SH2D3C: variants seen among roughly 807,000 people sequenced by gnomAD.
The protein encoded by SH2D3C is SH2 domain containing 3C.
In SH2D3C, 25 loss-of-function variants were observed where a neutral mutation model predicts 75.2. The observed-to-expected ratio is 0.33, with a 90% CI of 0.24 to 0.46. The LOEUF (loss-of-function observed/expected upper bound fraction) is 0.46. Ranked by LOEUF, SH2D3C falls within the 20% of genes least tolerant of loss-of-function variation. The pLI is 1.00. For missense variants in SH2D3C, 933 were observed against 1,165.3 expected, an observed-to-expected ratio of 0.80 and a Z score of 2.90; for synonymous variants, 450 against 473.7, an observed-to-expected ratio of 0.95 and a Z score of 0.65.
Position 127,738,906 on chromosome 9 carries a change from G to A in SH2D3C, c.2423C>T (p.Pro808Leu), listed in dbSNP as rs1238916049. 2.5e-6 allele frequency: 4 copies of A among 1,582,852 alleles called. No homozygotes were observed. Among genetic ancestry groups the A allele is most frequent in the African/African-American group, 2.7e-5 (2 of 74,408 alleles). ...CGTGCTGAACACCTCCAGGAGCTCC[G>A]GCCGGGCCTGGAACCCTGCAGTGTT... ...EVKLQGFQAR[P>L]ELLEVFSTEF... is the part of the protein sequence containing the mutation. Residue 808 changes from proline to leucine, a missense_variant, in exon 12 of 12, where the codon CCG becomes CTG. Pro to Leu is a moderately conservative substitution (Grantham distance 98). Transcript: ENST00000314830. This position sits in a 1 kb window ranked among gnomAD's most constrained non-coding sequence, Gnocchi z 5.0.
chr9:127,754,745 C>G lies in SH2D3C; in HGVS notation c.556-3445G>C. The G allele has an allele frequency of 2.2e-6, 1 of 458,840 alleles. No individual in the cohort carries two copies. The highest frequency in any genetic ancestry group is 4.5e-6 in the Non-Finnish European group (1 of 219,908). The allele number at this position is 458,840 out of a possible 1,614,324, so 28.4% of individuals were successfully genotyped here. A position where few individuals can be genotyped will look rare whatever the true frequency, so the allele number is the denominator to read the frequency against. Reference sequence around the variant, plus strand: ...AGGTCAGCCGCAAGGGCCAGCGTACCAGGCGGAGGACCGGCAGGACGCCGG... The same window carrying G: ...AGGTCAGCCGCAAGGGCCAGCGTACGAGGCGGAGGACCGGCAGGACGCCGG... On this transcript the variant is annotated intron_variant, in intron 3 of 11. Transcript: ENST00000314830. The surrounding 1 kb of genome is among the most constrained non-coding windows in gnomAD (Gnocchi z 4.4).
In SH2D3C at chr9:127,751,249, C is replaced by T. The variant is rs1330699288; in HGVS notation, c.607G>A (p.Glu203Lys). 6.2e-7 allele frequency: 1 copy of T among 1,613,438 alleles called. No individual in the cohort carries two copies. The highest frequency in any genetic ancestry group is 1.7e-5 in the Admixed American group (1 of 60,034). ...LDSSPEKLHK[E>K]LEEELKLSST... The stretch of plus-strand genomic sequence containing the variant: ...CTGAGTTTGAGCTCCTCCTCCAATT[C>T]CTTGTGGAGTTTCTCTGGCGATGAG... Residue 203 changes from glutamate (E) to lysine (K), a missense_variant, in exon 4 of 12, where the codon GAA becomes AAA. By Grantham distance (56) the Glu-to-Lys change is moderately conservative. Transcript: ENST00000314830. The surrounding 1 kb of genome is among the most constrained non-coding windows in gnomAD (Gnocchi z 4.1).
intron 3 of SH2D3C, among the ~76,000 whole-genome samples, chr9:127,759,109 A>G (rs1275170090): frequency 6.6e-6 from 1 of 152,268 alleles, no homozygotes; most frequent in African/African-American, 2.4e-5. Context: ...ACACAGGCTC[A>G]GGGAGGCAAT....
chr9:127,771,447 C>T (rs942733758), intron 2 of SH2D3C: 4 of 1,171,124 alleles, frequency 3.4e-6, no homozygotes, highest in East Asian at 3.2e-5. Flanking sequence ...TCGAACACGG[C>T]CCTCCGCCTG....
At position 127,764,011 on chromosome 9, in the gene SH2D3C, C is replaced by T. The variant is rs750180532; in HGVS notation, c.516-2361G>A. On this transcript the variant is annotated intron_variant, in intron 2 of 11. Coordinates refer to ENST00000314830, the MANE Select transcript of SH2D3C (RefSeq NM_170600.3). ...GCCCACTCTTCCCGGGTGAGGCATC[C>T]CATCCCAACATTTCCTGCTATTCAG... 3.1e-4 allele frequency among the ~76,000 whole-genome samples: 47 copies of T among 152,196 alleles called. 1 individual carries two copies. Among genetic ancestry groups the T allele is most frequent in the Non-Finnish European group, 5.4e-4 (37 of 68,018 alleles).
intron 3 of SH2D3C, chr9:127,755,072 C>T (rs1845333730): frequency 3.3e-6 from 4 of 1,198,306 alleles, no homozygotes; most frequent in African/African-American, 1.6e-5. Flanking sequence ...CCGAGCCGCC[C>T]CCTCACCTGC....
rs1844768249 is a variant in SH2D3C, at chr9:127,739,010, C to G, written c.2408-89G>C. ...TTCAGGACCCCCCTGTTAGGGACCT[C>G]CCCTCAACTCCGCCAGGGATCCAAC... is the stretch of plus-strand genomic sequence containing the variant. On this transcript the variant is annotated intron_variant, in intron 11 of 11. Transcript: ENST00000314830. This position sits in a 1 kb window ranked among gnomAD's most constrained non-coding sequence, Gnocchi z 4.3. 8.3e-7 allele frequency: 1 copy of G among 1,205,210 alleles called. No individual in the cohort carries two copies. The highest frequency in any genetic ancestry group is 2.8e-4 in the Middle Eastern group (1 of 3,526). The allele number at this position is 1,205,210 out of a possible 1,614,324, so 74.7% of individuals were successfully genotyped here.
chr9:127,757,095 C>T (rs1219764715), intron 3 of SH2D3C, among the ~76,000 whole-genome samples: 1 of 146,022 alleles, frequency 6.8e-6, no homozygotes, highest in African/African-American at 2.6e-5. Context: ...TGCCACCATG[C>T]TTGGCTAATT....
In SH2D3C at chr9:127,739,720, C is replaced by G; in HGVS notation, c.2369G>C (p.Gly790Ala). ...TTCAGCATTGGTGTGGTACAGGCCT[C>G]CGTGGTGTGCCACTGTGCGGGCGGC... ...LEAARTVAHH[G>A]GLYHTNAEVK... The change falls in exon 11 of 12, where the codon GGA (glycine) becomes GCA (alanine). Residue 790 changes from glycine to alanine, a missense_variant. By Grantham distance (60) the Gly-to-Ala change is moderately conservative. Coordinates refer to ENST00000314830, the MANE Select transcript of SH2D3C (RefSeq NM_170600.3). This position sits in a 1 kb window ranked among gnomAD's most constrained non-coding sequence, Gnocchi z 4.3. The G allele has an allele frequency of 6.2e-7, 1 of 1,610,940 alleles. No individual in the cohort carries two copies. The highest frequency in any genetic ancestry group is 1.3e-5 in the African/African-American group (1 of 74,996).
Position 127,754,736 on chromosome 9 carries a change from C to G in SH2D3C, c.556-3436G>C. The G allele has an allele frequency of 2.2e-6, 1 of 449,400 alleles. No homozygotes were observed. Among genetic ancestry groups the G allele is most frequent in the Non-Finnish European group, 4.7e-6 (1 of 214,176 alleles). The allele number at this position is 449,400 out of a possible 1,614,324, so 27.8% of individuals were successfully genotyped here. On this transcript the variant is annotated intron_variant, in intron 3 of 11. Transcript: ENST00000314830. The surrounding 1 kb of genome is among the most constrained non-coding windows in gnomAD (Gnocchi z 4.4). ...AGGGTGCCCAGGTCAGCCGCAAGGGCCAGCGTACCAGGCGGAGGACCGGCA... is the reference window on the plus strand; with the variant it reads ...AGGGTGCCCAGGTCAGCCGCAAGGGGCAGCGTACCAGGCGGAGGACCGGCA...
chr9:127,767,994 C>T (rs1476166534), intron 2 of SH2D3C, among the ~76,000 whole-genome samples: 1 of 152,222 alleles, frequency 6.6e-6, no homozygotes, highest in Non-Finnish European at 1.5e-5. Context: ...GCCGGGGGAA[C>T]AGCCCATCCT....
chr9:127,744,069 G>A (rs899824978), intron 7 of SH2D3C, among the ~76,000 whole-genome samples: 8 of 131,062 alleles, frequency 6.1e-5, no homozygotes, highest in African/African-American at 2.3e-4. Context: ...GATATCTTAT[G>A]TGCTTTTTTT....
intron 7 of SH2D3C, 107 bp from the exon 8 acceptor site, chr9:127,743,071 G>A (rs1844915056): frequency 5.7e-6 from 4 of 699,020 alleles, no homozygotes; most frequent in Non-Finnish European, 7.1e-6. Context: ...GTTGGGAGGC[G>A]GGGTTTGAAT....
chr9:127,753,241 T>C (rs1251178816), intron 3 of SH2D3C, among the ~76,000 whole-genome samples: 1 of 151,772 alleles, frequency 6.6e-6, no homozygotes, highest in African/African-American at 2.4e-5. Context: ...GCAGGGCAGA[T>C]AAGGCGTGGG....
chr9:127,740,216 G>A, intron 10 of SH2D3C, 42 bp downstream of exon 10: 1 of 1,522,104 alleles, frequency 6.6e-7, no homozygotes, highest in Non-Finnish European at 9.1e-7. Context: ...GCAACCCCAG[G>A]GAGGGCTGCA....
In SH2D3C at chr9:127,741,767, GCTCTGCGCGGCT is replaced by G. The variant is rs775295980; in HGVS notation, c.2088+9_2088+20del. On this transcript the variant is annotated intron_variant, in intron 9 of 11. Coordinates refer to ENST00000314830, the MANE Select transcript of SH2D3C (RefSeq NM_170600.3). The stretch of plus-strand genomic sequence containing the variant: ...CTTCCAGACAGTCTACCGGGTGCCA[GCTCTGCGCGGCT>G]CTCAGTACCTGGGCCATGTCCAGGG... 6 of 1,610,500 alleles carry G rather than the reference GCTCTGCGCGGCT, an allele frequency of 3.7e-6. No homozygotes were observed. The African/African-American group carries it at 8.0e-5, about 22-fold the overall frequency.
chr9:127,752,065 G>C (rs1845218099), intron 3 of SH2D3C, among the ~76,000 whole-genome samples: 1 of 152,176 alleles, frequency 6.6e-6, no homozygotes, highest in African/African-American at 2.4e-5. Context: ...GCCACTGAGG[G>C]AGATAATGTC....
rs559861860 is a variant in SH2D3C, at chr9:127,744,925, G to T, written c.1439C>A (p.Pro480Gln). Reference protein sequence around the residue: ...SPSHTLGKASPSPSLSSYSDP... With the variant: ...SPSHTLGKASQSPSLSSYSDP... ...ACTGTAGCTGCTGAGTGATGGTGAC[G>T]GGGAGGCCTTGCCAAGGGTGTGGGA... is the stretch of plus-strand genomic sequence containing the variant. Residue 480 changes from proline (P) to glutamine (Q), a missense_variant, in exon 7 of 12, where the codon CCG becomes CAG. Transcript: ENST00000314830. The T allele has an allele frequency of 6.3e-7, 1 of 1,598,694 alleles. No homozygotes were observed. Among genetic ancestry groups the T allele is most frequent in the Admixed American group, 1.7e-5 (1 of 59,022 alleles).
chr9:127,744,678 C>G lies in SH2D3C; in HGVS notation c.1686G>C (p.Leu562=). 1 of 1,614,236 alleles carries G rather than the reference C, an allele frequency of 6.2e-7. No homozygotes were observed. The highest frequency in any genetic ancestry group is 8.5e-7 in the Non-Finnish European group (1 of 1,180,042). Residue 562 remains leucine (L), a synonymous_variant, in exon 7 of 12, where the codon CTG becomes CTC. Transcript: ENST00000314830. ...CCAGTGGCCGGTTATCCCTGGGGAT[C>G]AGTAGTGACTGGAAGGTGGCCGGGT... ...SFNPATFQSL[L]IPRDNRPLEV...
Sources: gnomAD v4.1 joint callset for allele counts (sites outside exome capture counted in the v4.1 genomes callset) on GRCh38, gnomAD v4.1.1 for gene constraint, Gnocchi (gnomAD v3.1) non-coding constraint, MANE v1.5 for transcripts, NCBI Gene and HGNC (gene_info 2026-07-23, HGNC 2026-07-21) for gene names.